Variants in STKLD1 observed in about 807,000 individuals in gnomAD.
The protein encoded by STKLD1 is serine/threonine kinase like domain containing 1, also known as serine/threonine kinase-like domain-containing protein STKLD1.
Under a neutral mutation model 80.4 loss-of-function variants are expected in STKLD1, and 79 were observed. The ratio of observed to expected loss-of-function variants is 0.98; its 90% CI spans 0.82 to 1.19. The LOEUF is 1.19. STKLD1 is among the 50% of genes most tolerant of loss of function. The probability of loss-of-function intolerance (pLI) is 0.00; values close to 1 mark genes in which losing one functional copy is unlikely to be tolerated. For missense variants in STKLD1, 841 were observed against 856.0 expected (o/e 0.98, Z 0.22); for synonymous variants, 393 against 357.6 (o/e 1.10, Z -1.12).
chr9:133,386,222 A>C (rs2130277158), intron 4 of STKLD1, among the ~76,000 whole-genome samples: 4 of 152,150 alleles, frequency 2.6e-5, no homozygotes, highest in African/African-American at 9.7e-5. Flanking sequence ...CCTGACCAGG[A>C]GGGGTTCTTA....
At chr9:133,404,991 C>T in intron 17 of STKLD1, 62 bp downstream of exon 17, 1 of 1,579,960 alleles carries the variant, frequency 6.3e-7, no homozygotes, top group Non-Finnish European at 8.6e-7. Flanking sequence ...CCCCGCTCCC[C>T]CTATAACTGA....
At chr9:133,397,076 G>C (rs1478646713) in intron 9 of STKLD1, 88 bp from the exon 10 acceptor site, 16 of 1,575,844 alleles carry the variant, frequency 1.0e-5, no homozygotes, top group South Asian at 1.2e-5. Context: ...CCAATGGGCA[G>C]CCCGGAGCCA....
intron 16 of STKLD1, 38 bp from the exon 17 acceptor site, chr9:133,404,751 G>C (rs1554778363): frequency 6.2e-7 from 1 of 1,604,516 alleles, no homozygotes. Context: ...CCTTTCAGGG[G>C]AAAGCAGGGA....
intron 3 of STKLD1, 57 bp downstream of exon 3, chr9:133,383,957 T>C: frequency 6.6e-7 from 1 of 1,512,612 alleles, no homozygotes; most frequent in East Asian, 2.3e-5. Context: ...ACACAGACTG[T>C]GTTCTGTACC....
Position 133,389,199 on chromosome 9 carries a change from G to A in STKLD1, c.397-327G>A, listed in dbSNP as rs1273158688. 2.0e-6 allele frequency: 2 copies of A among 985,298 alleles called. No homozygotes were observed. The highest frequency in any genetic ancestry group is 2.4e-6 in the Non-Finnish European group (2 of 829,928). The allele number at this position is 985,298 out of a possible 1,614,324, so 61.0% of individuals were successfully genotyped here. A position where few individuals can be genotyped will look rare whatever the true frequency, so the allele number is the denominator to read the frequency against. On this transcript the variant is annotated intron_variant, in intron 5 of 17. Transcript: ENST00000371957. The surrounding 1 kb of genome is among the most constrained non-coding windows in gnomAD (Gnocchi z 6.4). The stretch of plus-strand genomic sequence containing the variant: ...TCTCCCATACCCGCAAGGCCGATCT[G>A]CCTTCAGCTCCCAGCAAGTGTGGGG...
intron 2 of STKLD1, among the ~76,000 whole-genome samples, chr9:133,382,472 G>A (rs1482396659): frequency 1.3e-5 from 2 of 151,798 alleles, no homozygotes; most frequent in African/African-American, 4.8e-5. Flanking sequence ...GATGGAGGTG[G>A]CAATGATGGT....
At position 133,405,522 on chromosome 9, in the gene STKLD1, C is replaced by A; in HGVS notation, c.*101C>A. The A allele has an allele frequency of 7.2e-6, 9 of 1,251,374 alleles. No homozygotes were observed. The highest frequency in any genetic ancestry group is 9.7e-6 in the Non-Finnish European group (9 of 926,078). The allele number at this position is 1,251,374 out of a possible 1,614,324, so 77.5% of individuals were successfully genotyped here. On this transcript the variant is annotated 3_prime_UTR_variant, in exon 18 of 18. Coordinates refer to ENST00000371957, the MANE Select transcript of STKLD1 (RefSeq NM_153710.5). ...TCTCTATGACTGGGCCAAAATCAAT[C>A]TTAAACGGGAGGGGTAATCAGACCT...
In STKLD1 at chr9:133,402,989, T is replaced by TGCTCTGGGCCC. The variant is rs1564385312; in HGVS notation, c.1452_1462dup (p.Leu488ArgfsTer12). 1 of 1,574,538 alleles carries TGCTCTGGGCCC rather than the reference T, an allele frequency of 6.4e-7. No homozygotes were observed. The highest frequency in any genetic ancestry group is 8.6e-7 in the Non-Finnish European group (1 of 1,160,234). On this transcript the variant is annotated frameshift_variant, in exon 14 of 18. Coordinates refer to ENST00000371957, the MANE Select transcript of STKLD1 (RefSeq NM_153710.5). LOFTEE classifies it high-confidence loss of function. ...GACGTCTGCGCCAGCGGCCTGGGCC[T>TGCTCTGGGCCC]GCTCTGGGCCCTCCTGCTGGACGGT...
rs1838073609 is a variant in STKLD1, at chr9:133,379,119, G to C, written c.171G>C (p.Lys57Asn). The C allele has an allele frequency of 6.2e-7, 1 of 1,613,890 alleles. No homozygotes were observed. The highest frequency in any genetic ancestry group is 8.5e-7 in the Non-Finnish European group (1 of 1,179,884). The change falls in exon 2 of 18, where the codon AAG becomes AAC. Residue 57 changes from lysine (K) to asparagine (N), a missense_variant. Physicochemically the swap from Lys to Asn is moderately conservative, Grantham distance 94. Coordinates refer to ENST00000371957, the MANE Select transcript of STKLD1 (RefSeq NM_153710.5). ...AAACCAAAGTCAAGCATGTGATAAAGCAGGTAAGAGGCCAAGCCTGTGCAT... is the reference window on the plus strand; with the variant it reads ...AAACCAAAGTCAAGCATGTGATAAACCAGGTAAGAGGCCAAGCCTGTGCAT... Reference protein sequence around the residue: ...EMETKVKHVIKQVECMDDHYA... With the variant: ...EMETKVKHVINQVECMDDHYA...
At chr9:133,377,299 T>C (rs1838002877) in intron 1 of STKLD1, among the ~76,000 whole-genome samples, 2 of 152,204 alleles carry the variant, frequency 1.3e-5, no homozygotes, top group South Asian at 4.1e-4. Flanking sequence ...CGGCTCCATT[T>C]TACTGTTTAA....
rs782587127 is a variant in STKLD1, at chr9:133,398,057, T to C, written c.1081+2T>C. ...TGAAAATGCCTGCAGATCAGCTAGG[T>C]AGGCCCCACCCTGCACCCCTTTCCC... On this transcript the variant is annotated splice_donor_variant, in intron 11 of 17. Transcript: ENST00000371957. LOFTEE classifies it high-confidence loss of function. 8 of 1,613,090 alleles carry C rather than the reference T, an allele frequency of 5.0e-6. No homozygotes were observed. The highest frequency in any genetic ancestry group is 6.8e-6 in the Non-Finnish European group (8 of 1,179,606).
Position 133,394,353 on chromosome 9 carries a change from G to C in STKLD1, c.646G>C (p.Asp216His). Reference protein sequence around the residue: ...ALNFSFSQKSDIWSLGCIILD... With the variant: ...ALNFSFSQKSHIWSLGCIILD... ...CAACTTCTCCTTCAGCCAGAAATCA[G>C]ACATCTGGTCCCTGGGCTGCATCAT... The change falls in exon 8 of 18, where the codon GAC (aspartate) becomes CAC (histidine). Residue 216 changes from aspartate to histidine, a missense_variant. By Grantham distance (81) the Asp-to-His change is moderately conservative. Transcript: ENST00000371957. This position sits in a 1 kb window ranked among gnomAD's most constrained non-coding sequence, Gnocchi z 4.9. The C allele has an allele frequency of 6.2e-7, 1 of 1,613,916 alleles. No homozygotes were observed. The highest frequency in any genetic ancestry group is 8.5e-7 in the Non-Finnish European group (1 of 1,179,954).
At position 133,401,861 on chromosome 9, in the gene STKLD1, C is replaced by T. The variant is rs200005667; in HGVS notation, c.1322C>T (p.Ala441Val). 4 of 1,613,414 alleles carry T rather than the reference C, an allele frequency of 2.5e-6. No homozygotes were observed. The highest frequency in any genetic ancestry group is 3.4e-6 in the Non-Finnish European group (4 of 1,180,012). ...PLLVMVYSLL[A>V]ITTTQESESL... is the part of the protein sequence containing the mutation. ...CTTGTCATGGTCTACAGCCTGCTAG[C>T]CATCACCACAACCCAGGGTGTGTCT... Residue 441 changes from alanine (A) to valine (V), a missense_variant, in exon 13 of 18, where the codon GCC (alanine) becomes GTC (valine). Coordinates refer to ENST00000371957, the MANE Select transcript of STKLD1 (RefSeq NM_153710.5).
At chr9:133,401,716 C>G (rs782794050) in intron 12 of STKLD1, 22 bp from the exon 13 acceptor site, 3 of 1,605,330 alleles carry the variant, frequency 1.9e-6, no homozygotes, top group Non-Finnish European at 2.5e-6. Flanking sequence ...TAACCCCAGG[C>G]GTCTTCCTCT....
chr9:133,378,870 C>G (rs1838067670), intron 1 of STKLD1, among the ~76,000 whole-genome samples, 166 bp from the exon 2 acceptor site: 1 of 152,252 alleles, frequency 6.6e-6, no homozygotes, highest in African/African-American at 2.4e-5. Context: ...TGAAAGGCTT[C>G]TTGCCCTCCT....
intron 7 of STKLD1, among the ~76,000 whole-genome samples, chr9:133,393,148 T>C (rs1838451243): frequency 7.6e-6 from 1 of 132,116 alleles, no homozygotes; most frequent in Admixed American, 7.7e-5. Flanking sequence ...GATGAATGAG[T>C]GAATGAGTGG....
chr9:133,383,795 C>A, intron 2 of STKLD1, 61 bp from the exon 3 acceptor site: 3 of 1,499,886 alleles, frequency 2.0e-6, no homozygotes, highest in Non-Finnish European at 1.9e-6. Flanking sequence ...GTGGTGATGG[C>A]GGTGATAACG....
chr9:133,392,306 A>T (rs945254045), intron 7 of STKLD1, among the ~76,000 whole-genome samples: 1 of 151,782 alleles, frequency 6.6e-6, no homozygotes, highest in East Asian at 1.9e-4. Context: ...TGACCTCATG[A>T]TCTGCCCACC....
rs368909489 is a variant in STKLD1, at chr9:133,405,323, T to C, written c.1945T>C (p.Ser649Pro). Residue 649 changes from serine (S) to proline (P), a missense_variant, in exon 18 of 18, where the codon TCC becomes CCC. Coordinates refer to ENST00000371957, the MANE Select transcript of STKLD1 (RefSeq NM_153710.5). The part of the protein sequence containing the change: ...LLQEIKERFT[S>P]SLVSDSSAFS... ...CCAGGAGATCAAGGAGCGCTTCACCTCCAGCCTGGTGAGTGACAGCAGCGC... is the reference window on the plus strand; with the variant it reads ...CCAGGAGATCAAGGAGCGCTTCACCCCCAGCCTGGTGAGTGACAGCAGCGC... 1 of 1,612,746 alleles carries C rather than the reference T, an allele frequency of 6.2e-7. No homozygotes were observed. The highest frequency in any genetic ancestry group is 1.3e-5 in the African/African-American group (1 of 74,882).
Sources: allele counts gnomAD v4.1 joint callset (sites outside exome capture counted in the v4.1 genomes callset), GRCh38; gene constraint gnomAD v4.1.1; non-coding constraint Gnocchi (gnomAD v3.1); transcripts MANE v1.5; gene names NCBI Gene and HGNC (gene_info 2026-07-23, HGNC 2026-07-21).